VLDLR: variants seen among roughly 807,000 people sequenced by gnomAD.
VLDLR encodes very low-density lipoprotein receptor.
In VLDLR, 81 loss-of-function variants were observed where a neutral mutation model predicts 112.7. That is an observed-to-expected ratio of 0.72 (90% CI 0.60 to 0.86). The LOEUF is 0.86. VLDLR is among the 40% of genes least tolerant of loss of function. The probability of loss-of-function intolerance (pLI) is 0.00; values close to 1 mark genes in which losing one functional copy is unlikely to be tolerated. For missense variants in VLDLR, 1,237 were observed against 1,099.4 expected (o/e 1.13, Z -1.77); for synonymous variants, 436 against 384.8 (o/e 1.13, Z -1.56).
At chr9:2,627,314 G>A (rs1817138968) in intron 1 of VLDLR, among the ~76,000 whole-genome samples, 1 of 152,202 alleles carries the variant, frequency 6.6e-6, no homozygotes, top group Non-Finnish European at 1.5e-5. Flanking sequence ...ATAATTCTAT[G>A]TCTGCAGATA....
intron 1 of VLDLR, among the ~76,000 whole-genome samples, chr9:2,634,220 G>C (rs2032630330): frequency 6.6e-6 from 1 of 152,178 alleles, no homozygotes; most frequent in South Asian, 2.1e-4. Context: ...GCAGGGAGTA[G>C]CTGACACTAG....
Position 2,641,587 on chromosome 9 carries a change from C to G in VLDLR, c.448+88C>G, listed in dbSNP as rs148266617. 4 of 1,590,590 alleles carry G rather than the reference C, an allele frequency of 2.5e-6. No homozygotes were observed. The South Asian group carries it at 4.5e-5, about 18-fold the overall frequency. ...GGGGAAACTAATCTAAGCCTGAAGA[C>G]GCACTGACATTGACTCACTTTTCAG... is the stretch of plus-strand genomic sequence containing the variant. On this transcript the variant is annotated intron_variant, in intron 4 of 18. Coordinates refer to ENST00000382100, the MANE Select transcript of VLDLR (RefSeq NM_003383.5).
At chr9:2,651,523 G>T (rs533665641) in intron 16 of VLDLR, 25 bp downstream of exon 16, 1 of 1,584,040 alleles carries the variant, frequency 6.3e-7, no homozygotes, top group South Asian at 1.1e-5. Context: ...ACTGCAAACT[G>T]TTAATCTCAA....
At chr9:2,632,866 G>T (rs1238747666) in intron 1 of VLDLR, among the ~76,000 whole-genome samples, 2 of 152,142 alleles carry the variant, frequency 1.3e-5, no homozygotes, top group Non-Finnish European at 2.9e-5. Context: ...ACTAGGAAAC[G>T]AAGAGGCATA....
chr9:2,654,729 T>G lies in VLDLR; in HGVS notation c.*861T>G, dbSNP rs1303626229. The G allele has an allele frequency of 6.8e-6, 1 of 147,264 alleles. No individual in the cohort carries two copies. Among genetic ancestry groups the G allele is most frequent in the African/African-American group, 2.5e-5 (1 of 40,622 alleles). The allele number at this position is 147,264 out of a possible 1,614,324, so 9.1% of individuals were successfully genotyped here. ...ATTCCTCTTGGTTAGAGGAGTGAGTTTCTTTTTTTTCCATTAACTTGTTTC... is the reference window on the plus strand; with the variant it reads ...ATTCCTCTTGGTTAGAGGAGTGAGTGTCTTTTTTTTCCATTAACTTGTTTC... On this transcript the variant is annotated 3_prime_UTR_variant, in exon 19 of 19. Transcript: ENST00000382100.
intron 17 of VLDLR, 137 bp from the exon 18 acceptor site, chr9:2,652,643 A>G: frequency 8.2e-7 from 1 of 1,217,884 alleles, no homozygotes; most frequent in Non-Finnish European, 1.2e-6. Context: ...GTGTATTCCA[A>G]CTTCTAGTTA....
Position 2,651,421 on chromosome 9 carries a change from C to A in VLDLR, c.2258C>A (p.Ala753Glu), listed in dbSNP as rs760040043. The part of the protein sequence containing the change: ...EENGRDCQST[A>E]TTVTYSETKD... ...CTTGGTTTTTATAATTCAGGTACTG[C>A]AACTACTGTGACTTACAGTGAGACA... The change falls in exon 16 of 19, where the codon GCA becomes GAA. Residue 753 changes from alanine (A) to glutamate (E), a missense_variant. By Grantham distance (107) the Ala-to-Glu change is moderately radical. Transcript: ENST00000382100. The A allele has an allele frequency of 2.5e-6, 4 of 1,613,660 alleles. No homozygotes were observed. The highest frequency in any genetic ancestry group is 3.4e-6 in the Non-Finnish European group (4 of 1,179,712).
At position 2,646,442 on chromosome 9, in the gene VLDLR, T is replaced by A; in HGVS notation, c.1593T>A (p.Asp531Glu). 1 of 1,614,144 alleles carries A rather than the reference T, an allele frequency of 6.2e-7. No homozygotes were observed. The highest frequency in any genetic ancestry group is 2.2e-5 in the East Asian group (1 of 44,886). ...DWVYKTIYWT[D>E]AASKTISVAT... The stretch of plus-strand genomic sequence containing the variant: ...TGTACAAGACCATCTACTGGACTGA[T>A]GCGGCTTCTAAGACTATTTCAGTAG... The change falls in exon 11 of 19, where the codon GAT (aspartate) becomes GAA (glutamate). Residue 531 changes from aspartate to glutamate, a missense_variant. Coordinates refer to ENST00000382100, the MANE Select transcript of VLDLR (RefSeq NM_003383.5).
Position 2,643,861 on chromosome 9 carries a change from A to T in VLDLR, c.968A>T (p.Lys323Ile), listed in dbSNP as rs1233331139. 1 of 1,614,134 alleles carries T rather than the reference A, an allele frequency of 6.2e-7. No homozygotes were observed. Among genetic ancestry groups the T allele is most frequent in the Non-Finnish European group, 8.5e-7 (1 of 1,180,040 alleles). Residue 323 changes from lysine to isoleucine, a missense_variant, in exon 7 of 19, where the codon AAA becomes ATA. By Grantham distance (102) the Lys-to-Ile change is moderately radical. Transcript: ENST00000382100. Reference sequence around the variant, plus strand: ...GTCAATCAGTGCTTGGGCCCTGGAAAATTCAAGTGCAGAAGTGGAGAATGC... The same window carrying T: ...GTCAATCAGTGCTTGGGCCCTGGAATATTCAAGTGCAGAAGTGGAGAATGC... The part of the protein sequence containing the change: ...KNVNQCLGPG[K>I]FKCRSGECID...
intron 1 of VLDLR, among the ~76,000 whole-genome samples, chr9:2,632,380 G>A (rs1227742993): frequency 6.6e-6 from 1 of 152,154 alleles, no homozygotes; most frequent in African/African-American, 2.4e-5. Flanking sequence ...TCACCTGTCT[G>A]AGCAGAAATG....
In VLDLR at chr9:2,650,469, C is replaced by G. The variant is rs745998932; in HGVS notation, c.2204C>G (p.Ser735Cys). The change falls in exon 15 of 19, where the codon TCC becomes TGC. Residue 735 changes from serine to cysteine, a missense_variant. Ser to Cys is a moderately radical substitution (Grantham distance 112). Coordinates refer to ENST00000382100, the MANE Select transcript of VLDLR (RefSeq NM_003383.5). ...INDHSPKYTC[S>C]CPSGYNVEEN... Reference sequence around the variant, plus strand: ...GATCACTCTCCAAAATATACCTGTTCCTGTCCCAGTGGGTACAATGTAGAG... The same window carrying G: ...GATCACTCTCCAAAATATACCTGTTGCTGTCCCAGTGGGTACAATGTAGAG... 1.2e-6 allele frequency: 2 copies of G among 1,614,042 alleles called. No homozygotes were observed. The highest frequency in any genetic ancestry group is 1.7e-5 in the Admixed American group (1 of 60,022).
chr9:2,643,157 T>A lies in VLDLR; in HGVS notation c.449-3T>A. On this transcript the variant is annotated splice_region_variant and splice_polypyrimidine_tract_variant and intron_variant, in intron 4 of 18. Coordinates refer to ENST00000382100, the MANE Select transcript of VLDLR (RefSeq NM_003383.5). ...TTCAGTGGGGCATCCTCTCTCTTAATAGGCAATATAACATGTAGTCCCGAC... is the reference window on the plus strand; with the variant it reads ...TTCAGTGGGGCATCCTCTCTCTTAAAAGGCAATATAACATGTAGTCCCGAC... 2 of 1,609,726 alleles carry A rather than the reference T, an allele frequency of 1.2e-6. No homozygotes were observed. Among genetic ancestry groups the A allele is most frequent in the Non-Finnish European group, 1.7e-6 (2 of 1,180,000 alleles).
At chr9:2,647,181 G>A (rs767758977) in intron 11 of VLDLR, among the ~76,000 whole-genome samples, 36 of 152,152 alleles carry the variant, frequency 2.4e-4, no homozygotes, top group Admixed American at 4.6e-4. Context: ...AAGGATGTTC[G>A]TCTTGCACTC....
Position 2,622,092 on chromosome 9 carries a change from G to T in VLDLR, c.-98G>T. 1.5e-6 allele frequency: 1 copy of T among 679,432 alleles called. No homozygotes were observed. Among genetic ancestry groups the T allele is most frequent in the Non-Finnish European group, 2.0e-6 (1 of 497,712 alleles). The allele number at this position is 679,432 out of a possible 1,614,324, so 42.1% of individuals were successfully genotyped here. ...CTCCTTCTCCCCCTTTCCCCTCCCC[G>T]CCCCCACCTTCTTCCTCCTTTCGGA... is the stretch of plus-strand genomic sequence containing the variant. On this transcript the variant is annotated 5_prime_UTR_variant, in exon 1 of 19. Coordinates refer to ENST00000382100, the MANE Select transcript of VLDLR (RefSeq NM_003383.5).
At chr9:2,650,335 A>G (rs1236655303) in intron 14 of VLDLR, 35 bp from the exon 15 acceptor site, 1 of 1,613,242 alleles carries the variant, frequency 6.2e-7, no homozygotes, top group Non-Finnish European at 8.5e-7. Context: ...AGGCACCGGA[A>G]TACCCATTTT....
intron 3 of VLDLR, 145 bp from the exon 4 acceptor site, chr9:2,641,232 C>T: frequency 7.9e-7 from 1 of 1,271,008 alleles, no homozygotes; most frequent in Non-Finnish European, 1.1e-6. Flanking sequence ...GATGAAAGAG[C>T]TCCCCGGGCT....
At chr9:2,623,225 G>T (rs1298969828) in intron 1 of VLDLR, among the ~76,000 whole-genome samples, 1 of 152,120 alleles carries the variant, frequency 6.6e-6, no homozygotes, top group Admixed American at 6.5e-5. Context: ...CTGCCGCGGG[G>T]GCCTGGGGGC....
chr9:2,641,059 A>T (rs999386960), intron 3 of VLDLR, among the ~76,000 whole-genome samples: 5 of 152,196 alleles, frequency 3.3e-5, no homozygotes, highest in African/African-American at 1.2e-4. Flanking sequence ...TCCAACAGAT[A>T]AATAGTGGTC....
intron 16 of VLDLR, 81 bp from the exon 17 acceptor site, chr9:2,651,793 G>C: frequency 6.7e-7 from 1 of 1,494,028 alleles, no homozygotes; most frequent in Non-Finnish European, 9.3e-7. Flanking sequence ...GGATGCAAAG[G>C]TTTTGGCTCC....
Sources: allele counts gnomAD v4.1 joint callset (sites outside exome capture counted in the v4.1 genomes callset), GRCh38; gene constraint gnomAD v4.1.1; transcripts MANE v1.5; gene names NCBI Gene and HGNC (gene_info 2026-07-23, HGNC 2026-07-21).